Variants in ZC3H12C observed in about 807,000 individuals in gnomAD.
ZC3H12C encodes the protein probable ribonuclease ZC3H12C.
In ZC3H12C, 20 loss-of-function variants were observed where a neutral mutation model predicts 76.3. That is an observed-to-expected ratio of 0.26 (90% CI 0.18 to 0.38). The LOEUF is 0.38. Among genes scored for constraint, ZC3H12C ranks in the 10% least tolerant of loss-of-function variants. ZC3H12C has a pLI of 1.00. For missense variants in ZC3H12C, 874 were observed against 1,086.5 expected (o/e 0.80, Z 2.75); for synonymous variants, 352 against 399.6 (o/e 0.88, Z 1.42).
At chr11:110,112,350 C>A (rs1360311349) in intron 1 of ZC3H12C, among the ~76,000 whole-genome samples, 1 of 152,058 alleles carries the variant, frequency 6.6e-6, no homozygotes, top group Non-Finnish European at 1.5e-5. Context: ...AGATGTGCAC[C>A]ATCACACCTG....
chr11:110,147,636 A>G (rs1476351887), intron 2 of ZC3H12C, among the ~76,000 whole-genome samples: 1 of 151,854 alleles, frequency 6.6e-6, no homozygotes, highest in Non-Finnish European at 1.5e-5. Context: ...AAAAAAGAAA[A>G]GAAAAGAAAC....
rs77373191 is a variant in ZC3H12C, at chr11:110,129,425, T to C, written c.22-7238T>C. 7.9e-3 allele frequency among the ~76,000 whole-genome samples: 1,199 copies of C among 152,298 alleles called. 14 individuals are homozygous for C. Among genetic ancestry groups the C allele is most frequent in the Non-Finnish European group, 0.012 (823 of 68,012 alleles). On this transcript the variant is annotated intron_variant, in intron 1 of 5. Transcript: ENST00000278590. The stretch of plus-strand genomic sequence containing the variant: ...ATTTTGTAAATAGAGACGATCTCAT[T>C]TGCATTTGAGTAGGCACAATAAGGA...
chr11:110,132,532 A>G (rs73004188), intron 1 of ZC3H12C, among the ~76,000 whole-genome samples: 2 of 152,170 alleles, frequency 1.3e-5, no homozygotes, highest in Non-Finnish European at 2.9e-5. Flanking sequence ...CCAATACAGT[A>G]TCTGGAAGGA....
At chr11:110,097,271 A>G (rs914951704) in intron 1 of ZC3H12C, among the ~76,000 whole-genome samples, 3 of 152,244 alleles carry the variant, frequency 2.0e-5, no homozygotes, top group Admixed American at 6.5e-5. Context: ...ATGCCCAGTA[A>G]TGTAGCCTGA....
rs1409952459 is a variant in ZC3H12C at position 110,167,880 on chromosome 11, C to T, written c.*2143C>T. 6 of 152,150 alleles carry T rather than the reference C, an allele frequency of 3.9e-5. No homozygotes were observed. The East Asian group carries it at 1.2e-3, about 29-fold the overall frequency. The allele number at this position is 152,150 out of a possible 1,614,324, so 9.4% of individuals were successfully genotyped here. Reference sequence around the variant, plus strand: ...CCTACTCGCATGTGAAATTGTTCTCCTTGATTTGGTCACTATAAAGCAAGT... The same window carrying T: ...CCTACTCGCATGTGAAATTGTTCTCTTTGATTTGGTCACTATAAAGCAAGT... On this transcript the variant is annotated 3_prime_UTR_variant, in exon 6 of 6. Coordinates refer to ENST00000278590, the MANE Select transcript of ZC3H12C (RefSeq NM_033390.2).
intron 1 of ZC3H12C, among the ~76,000 whole-genome samples, chr11:110,102,693 C>T (rs1221791735): frequency 6.6e-6 from 1 of 152,146 alleles, no homozygotes; most frequent in African/African-American, 2.4e-5. Flanking sequence ...AACAGCGTTG[C>T]ATGCTACAGA....
chr11:110,098,884 T>G (rs1861162916), intron 1 of ZC3H12C, among the ~76,000 whole-genome samples: 1 of 152,254 alleles, frequency 6.6e-6, no homozygotes, highest in Non-Finnish European at 1.5e-5. Flanking sequence ...GACACATGAC[T>G]GTATTAAAGT....
chr11:110,122,517 G>A (rs1861669170), intron 1 of ZC3H12C, among the ~76,000 whole-genome samples: 2 of 152,072 alleles, frequency 1.3e-5, no homozygotes, highest in African/African-American at 2.4e-5. Flanking sequence ...CTGGAACTGT[G>A]GCATACATAT....
At chr11:110,138,993 T>C (rs1862021503) in intron 2 of ZC3H12C, among the ~76,000 whole-genome samples, 1 of 152,216 alleles carries the variant, frequency 6.6e-6, no homozygotes, top group South Asian at 2.1e-4. Flanking sequence ...AATGCACTTC[T>C]AGAGCCCCAT....
At chr11:110,151,957 T>G (rs1011484843) in intron 2 of ZC3H12C, among the ~76,000 whole-genome samples, 1 of 152,046 alleles carries the variant, frequency 6.6e-6, no homozygotes, top group Non-Finnish European at 1.5e-5. Flanking sequence ...TAAAGTTTAG[T>G]TTATGCTAAA....
At chr11:110,153,981 C>T (rs1346423893) in intron 3 of ZC3H12C, among the ~76,000 whole-genome samples, 1 of 152,102 alleles carries the variant, frequency 6.6e-6, no homozygotes, top group Non-Finnish European at 1.5e-5. Flanking sequence ...CCAGTATTGA[C>T]AAAAACTGAG....
rs749228647 is a variant in ZC3H12C, at chr11:110,164,462, A to C, written c.1377A>C (p.Ala459=). The C allele has an allele frequency of 3.8e-5, 62 of 1,613,912 alleles. No homozygotes were observed. In the Middle Eastern group the frequency reaches 4.9e-4, roughly 13 times the overall value. Residue 459 remains alanine (A), a synonymous_variant, in exon 6 of 6, where the codon GCA becomes GCC. Coordinates refer to ENST00000278590, the MANE Select transcript of ZC3H12C (RefSeq NM_033390.2). This position sits in a 1 kb window ranked among gnomAD's most constrained non-coding sequence, Gnocchi z 5.7. The part of the protein sequence containing the change: ...AMSRNTAAKT[A]NEGGLVKSNS... The stretch of plus-strand genomic sequence containing the variant: ...CTAGAAATACGGCAGCCAAAACTGC[A>C]AACGAAGGAGGACTGGTGAAAAGCA...
intron 1 of ZC3H12C, among the ~76,000 whole-genome samples, chr11:110,109,869 G>A (rs1861396561): frequency 6.6e-6 from 1 of 152,076 alleles, no homozygotes; most frequent in Non-Finnish European, 1.5e-5. Context: ...TTAGATGGTT[G>A]GCTGGTTTGT....
rs748972673 is a variant in ZC3H12C at position 110,137,041 on chromosome 11, A to G, written c.400A>G (p.Asn134Asp). 2 of 1,613,828 alleles carry G rather than the reference A, an allele frequency of 1.2e-6. No homozygotes were observed. The highest frequency in any genetic ancestry group is 1.7e-6 in the Non-Finnish European group (2 of 1,179,854). ...TTTAGAGCCTCACATACTCAAGCGCAATGAAATTTTGCAAGACTTTAAACC... is the reference window on the plus strand; with the variant it reads ...TTTAGAGCCTCACATACTCAAGCGCGATGAAATTTTGCAAGACTTTAAACC... ...PCLEPHILKR[N>D]EILQDFKPEE... Residue 134 changes from asparagine (N) to aspartate (D), a missense_variant, in exon 2 of 6, where the codon AAT becomes GAT. This residue lies in a region of ZC3H12C where 210 missense variants were observed against 227.1 expected (regional missense o/e 0.92). Transcript: ENST00000278590.
chr11:110,133,538 G>T (rs1398881883), intron 1 of ZC3H12C, among the ~76,000 whole-genome samples: 1 of 152,090 alleles, frequency 6.6e-6, no homozygotes, highest in African/African-American at 2.4e-5. Flanking sequence ...TTTTAAGTAG[G>T]TTAGGCTTAC....
rs918738388 is a variant in ZC3H12C, at chr11:110,168,931, A to G, written c.*3194A>G. ...AATATAACTGAAGAGTATTTTATGT[A>G]TATCTATATACACAAATATGTATTT... On this transcript the variant is annotated 3_prime_UTR_variant, in exon 6 of 6. Transcript: ENST00000278590. The G allele has an allele frequency of 1.2e-4, 19 of 152,168 alleles. No homozygotes were observed. The highest frequency in any genetic ancestry group is 4.6e-4 in the African/African-American group (19 of 41,450). 9.4% of individuals were successfully genotyped at this position (152,168 alleles called of 1,614,324 possible).
chr11:110,137,532 G>C, intron 2 of ZC3H12C, 118 bp downstream of exon 2: 1 of 1,214,250 alleles, frequency 8.2e-7, no homozygotes, highest in Non-Finnish European at 1.1e-6. Flanking sequence ...TCTGTATCCT[G>C]ATGTTAACAT....
chr11:110,098,675 T>G (rs890844424), intron 1 of ZC3H12C, among the ~76,000 whole-genome samples: 1 of 152,236 alleles, frequency 6.6e-6, no homozygotes, highest in Non-Finnish European at 1.5e-5. Flanking sequence ...AGACTTATTG[T>G]GTTACAGTTG....
intron 1 of ZC3H12C, among the ~76,000 whole-genome samples, chr11:110,126,226 T>C (rs1327381226): frequency 2.2e-4 from 27 of 124,992 alleles, no homozygotes; most frequent in East Asian, 1.6e-3. Flanking sequence ...CTTTTTTTTT[T>C]TTTTTTTTTT....
Sources: gnomAD v4.1 joint callset for allele counts (sites outside exome capture counted in the v4.1 genomes callset) on GRCh38, gnomAD v4.1.1 for gene constraint, gnomAD v4.1.1 regional missense constraint, Gnocchi (gnomAD v3.1) non-coding constraint, MANE v1.5 for transcripts, NCBI Gene and HGNC (gene_info 2026-07-23, HGNC 2026-07-21) for gene names.